The following DST variants were observed in gnomAD, a reference collection of about 807,000 sequenced individuals.
DST encodes the protein bullous pemphigoid antigen.
A neutral mutation model predicts 875.2 loss-of-function variants in DST; 253 were observed. The ratio of observed to expected loss-of-function variants is 0.29; its 90% CI spans 0.26 to 0.32. DST has a LOEUF of 0.32. Among genes scored for constraint, DST ranks in the 10% least tolerant of loss-of-function variants. DST has a pLI of 1.00. For synonymous variants in DST, 3,124 were observed against 3,197.1 expected (o/e 0.98, Z 0.77); for missense variants, 8,287 against 9,111.6 (o/e 0.91, Z 3.68).
At chr6:56,775,491 T>C (rs2099677148) in intron 4 of DST, among the ~76,000 whole-genome samples, 1 of 152,214 alleles carries the variant, frequency 6.6e-6, no homozygotes, top group Non-Finnish European at 1.5e-5. Context: ...AGTATTACTC[T>C]TAAAGATAGA....
At position 56,698,959 on chromosome 6, in the gene DST, C is replaced by T. The variant is rs1674798866; in HGVS notation, c.1047+694G>A. Among the ~76,000 whole-genome samples the T allele has an allele frequency of 2.0e-5, 3 of 152,292 alleles. No homozygotes were observed. In the South Asian group the frequency reaches 6.2e-4, roughly 32 times the overall value. ...GTAGTTTTTCAGCCCATGCCCTTTTCCCCCTCCTTCCCACCTCTAGTAGCA... is the reference window on the plus strand; with the variant it reads ...GTAGTTTTTCAGCCCATGCCCTTTTTCCCCTCCTTCCCACCTCTAGTAGCA... On this transcript the variant is annotated intron_variant, in intron 9 of 103. Coordinates refer to ENST00000680361, the MANE Select transcript of DST (RefSeq NM_001374736.1).
At chr6:56,908,849 A>T (rs1470022581) in intron 2 of DST, among the ~76,000 whole-genome samples, 1 of 152,234 alleles carries the variant, frequency 6.6e-6, no homozygotes, top group East Asian at 1.9e-4. Flanking sequence ...GACAGTTTAC[A>T]GATCCCATGG....
intron 69 of DST, among the ~76,000 whole-genome samples, chr6:56,526,104 T>A (rs921243078): frequency 6.6e-6 from 1 of 152,206 alleles, no homozygotes; most frequent in African/African-American, 2.4e-5. Context: ...GCTGGGCTGA[T>A]CTTCGCAGTG....
chr6:56,464,562 A>C (rs1035031163), intron 100 of DST, 123 bp downstream of exon 100: 3 of 707,852 alleles, frequency 4.2e-6, no homozygotes, highest in Admixed American at 2.8e-5. Flanking sequence ...GCTCAGCTGG[A>C]TATGAGTTAA....
At position 56,501,661 on chromosome 6, in the gene DST, T is replaced by C; in HGVS notation, c.19599A>G (p.Ile6533Met). Residue 6533 changes from isoleucine (I) to methionine (M), a missense_variant, in exon 79 of 104, where the codon ATA becomes ATG. Physicochemically the swap from Ile to Met is conservative, Grantham distance 10. This residue lies in a region of DST where 1,292 missense variants were observed against 1,552.7 expected (regional missense o/e 0.83). Coordinates refer to ENST00000680361, the MANE Select transcript of DST (RefSeq NM_001374736.1). Reference sequence around the variant, plus strand: ...CTTGATGATTCAGTCTTTCCATTTCTATCTGCTGTTGATAGGCCTCAGACT... The same window carrying C: ...CTTGATGATTCAGTCTTTCCATTTCCATCTGCTGTTGATAGGCCTCAGACT... ...QFKSEAYQQQ[I>M]EMERLNHQAE... The C allele has an allele frequency of 3.7e-6, 6 of 1,606,976 alleles. No individual in the cohort carries two copies. Among genetic ancestry groups the C allele is most frequent in the Non-Finnish European group, 5.1e-6 (6 of 1,177,336 alleles).
At position 56,482,060 on chromosome 6, in the gene DST, T is replaced by A. The variant is rs772994530; in HGVS notation, c.21521A>T (p.Asp7174Val). 2 of 1,613,632 alleles carry A rather than the reference T, an allele frequency of 1.2e-6. No homozygotes were observed. The highest frequency in any genetic ancestry group is 1.3e-5 in the African/African-American group (1 of 74,926). ...TTATATATTACTCACTTTATGCTGA[T>A]CAATGAGAGTCCGGAGAGCATCCTC... ...DDEDALRTLI[D>V]QHKEFMKKLE... Residue 7174 changes from aspartate (D) to valine (V), a missense_variant, in exon 90 of 104, where the codon GAT becomes GTT. Physicochemically the swap from Asp to Val is radical, Grantham distance 152. Around this residue, in one of 10 missense-constraint regions of DST, gnomAD observed 1,292 missense variants for 1,552.7 expected, o/e 0.83. Coordinates refer to ENST00000680361, the MANE Select transcript of DST (RefSeq NM_001374736.1).
At chr6:56,857,696 A>AT (rs946892973) in intron 3 of DST, among the ~76,000 whole-genome samples, 53 of 152,206 alleles carry the variant, frequency 3.5e-4, no homozygotes, top group Non-Finnish European at 1.3e-4. Flanking sequence ...CAAAGATACA[A>AT]TTTTCTTTAA....
At chr6:56,469,119 A>G in intron 97 of DST, 120 bp from the exon 98 acceptor site, 2 of 614,658 alleles carry the variant, frequency 3.3e-6, no homozygotes, top group East Asian at 6.5e-5. Context: ...TCTAGTTTAG[A>G]GATGTGCAGG....
intron 49 of DST, 59 bp downstream of exon 49, chr6:56,592,123 G>A: frequency 6.7e-7 from 1 of 1,482,602 alleles, no homozygotes; most frequent in South Asian, 1.2e-5. Context: ...AAAAGTGTGA[G>A]AAATTGGAAG....
intron 37 of DST, 70 bp from the exon 38 acceptor site, chr6:56,611,666 A>G: frequency 3.5e-6 from 4 of 1,130,544 alleles, no homozygotes; most frequent in Non-Finnish European, 5.1e-6. Flanking sequence ...TTTAAAAAAA[A>G]GAAATTAATC....
rs529064357 is a variant in DST at position 56,639,207 on chromosome 6, G to A, written c.2964+52C>T. 3.6e-5 allele frequency: 51 copies of A among 1,423,626 alleles called. No individual in the cohort carries two copies. The Admixed American group carries it at 8.5e-4, about 24-fold the overall frequency. The allele number at this position is 1,423,626 out of a possible 1,614,324, so 88.2% of individuals were successfully genotyped here. On this transcript the variant is annotated intron_variant, in intron 22 of 103. Coordinates refer to ENST00000680361, the MANE Select transcript of DST (RefSeq NM_001374736.1). ...TTCTCAGCAATAAAAGAATCTGAAG[G>A]GAAATAATCATATCAATATTCAACC...
At chr6:56,809,547 A>G (rs1279459054) in intron 4 of DST, among the ~76,000 whole-genome samples, 1 of 152,240 alleles carries the variant, frequency 6.6e-6, no homozygotes, top group East Asian at 1.9e-4. Context: ...AGCCTGCAAT[A>G]TACTATCTCT....
intron 8 of DST, among the ~76,000 whole-genome samples, chr6:56,700,097 A>C (rs566183930): frequency 6.6e-6 from 1 of 152,330 alleles, no homozygotes; most frequent in South Asian, 2.1e-4. Flanking sequence ...CAGCCACTGC[A>C]TTAGATTCCT....
At chr6:56,839,400 TCA>T (rs998643116) in intron 4 of DST, among the ~76,000 whole-genome samples, 3 of 152,222 alleles carry the variant, frequency 2.0e-5, no homozygotes, top group Admixed American at 2.0e-4. Context: ...TCAACCTGTT[TCA>T]CTTTTAAAAG....
In DST at chr6:56,603,045, T is replaced by C; in HGVS notation, c.11158-14A>G. On this transcript the variant is annotated splice_polypyrimidine_tract_variant and intron_variant, in intron 42 of 103. Transcript: ENST00000680361. ...TGCTAGTTTAGACTAGAAAAAAAAA[T>C]TGTGCATTCAGTTATCTTTCCCCAA... The C allele has an allele frequency of 6.4e-7, 1 of 1,555,890 alleles. No homozygotes were observed. The highest frequency in any genetic ancestry group is 8.6e-7 in the Non-Finnish European group (1 of 1,157,824).
intron 3 of DST, among the ~76,000 whole-genome samples, chr6:56,872,770 T>A (rs1054596886): frequency 2.7e-5 from 4 of 150,688 alleles, no homozygotes; most frequent in Non-Finnish European, 5.9e-5. Flanking sequence ...AAAGATAGAG[T>A]AATTTAAAAA....
chr6:56,911,463 A>G (rs542201999), intron 2 of DST, among the ~76,000 whole-genome samples: 30 of 152,316 alleles, frequency 2.0e-4, no homozygotes, highest in African/African-American at 7.0e-4. Flanking sequence ...GCCAGAAATC[A>G]TAAGTGAAAA....
At chr6:56,559,050 C>T (rs537606775) in intron 58 of DST, among the ~76,000 whole-genome samples, 1 of 152,244 alleles carries the variant, frequency 6.6e-6, no homozygotes, top group African/African-American at 2.4e-5. Context: ...GATCACTTGA[C>T]TTGAGAGAGT....
At chr6:56,674,441 G>A (rs912808392) in intron 9 of DST, among the ~76,000 whole-genome samples, 1 of 152,144 alleles carries the variant, frequency 6.6e-6, no homozygotes, top group Admixed American at 6.5e-5. Flanking sequence ...GGGACTACAG[G>A]CATGTGCTAA....
Sources: gnomAD v4.1 joint callset for allele counts (sites outside exome capture counted in the v4.1 genomes callset) on GRCh38, gnomAD v4.1.1 for gene constraint, gnomAD v4.1.1 regional missense constraint, MANE v1.5 for transcripts, NCBI Gene and HGNC (gene_info 2026-07-23, HGNC 2026-07-21) for gene names.